DDX39A: variants seen among roughly 807,000 people sequenced by gnomAD.
DDX39A encodes the protein ATP-dependent RNA helicase DDX39A.
A neutral mutation model predicts 46.3 loss-of-function variants in DDX39A; 13 were observed. The observed-to-expected ratio is 0.28, with a 90% CI of 0.18 to 0.45. The LOEUF is 0.45. DDX39A is among the 20% of genes least tolerant of loss of function. The pLI, the probability that DDX39A is intolerant of heterozygous loss-of-function variation, is 1.00. For missense variants in DDX39A, 352 were observed against 581.8 expected (o/e 0.61, Z 4.06); for synonymous variants, 234 against 224.6 (o/e 1.04, Z -0.38).
chr19:14,413,892 G>A (rs1447180851), intron 1 of DDX39A: 1 of 152,314 alleles, frequency 6.6e-6, no homozygotes, highest in Non-Finnish European at 1.5e-5. Flanking sequence ...ATAATTAAGT[G>A]CTCTCATGAA....
Position 14,409,499 on chromosome 19 carries a change from G to A in DDX39A, c.974+37C>T, listed in dbSNP as rs1429634036. On this transcript the variant is annotated intron_variant, in intron 8 of 10. Coordinates refer to ENST00000242776, the MANE Select transcript of DDX39A (RefSeq NM_005804.4). The surrounding 1 kb of genome is among the most constrained non-coding windows in gnomAD (Gnocchi z 8.3). The stretch of plus-strand genomic sequence containing the variant: ...GCCGTCAGACACTGGGCTCCTGGTG[G>A]TGCTCCCTGCAGCCTTGGCGGGCGG... The A allele has an allele frequency of 1.9e-6, 3 of 1,611,204 alleles. No homozygotes were observed. Among genetic ancestry groups the A allele is most frequent in the Non-Finnish European group, 2.5e-6 (3 of 1,179,262 alleles).
At position 14,411,277 on chromosome 19, in the gene DDX39A, G is replaced by T; in HGVS notation, c.430-105C>A. 7.5e-7 allele frequency: 1 copy of T among 1,333,568 alleles called. No homozygotes were observed. The highest frequency in any genetic ancestry group is 1.0e-6 in the Non-Finnish European group (1 of 979,222). The allele number at this position is 1,333,568 out of a possible 1,614,324, so 82.6% of individuals were successfully genotyped here. ...AGGAGGCCTCAGGGGACCAAGGCAG[G>T]CCTGAGAGCCTCCCGGGGCTCCACT... On this transcript the variant is annotated intron_variant, in intron 4 of 10. Transcript: ENST00000242776. The surrounding 1 kb of genome is among the most constrained non-coding windows in gnomAD (Gnocchi z 4.1).
At position 14,410,463 on chromosome 19, in the gene DDX39A, G is replaced by A; in HGVS notation, c.614-129C>T. The A allele has an allele frequency of 1.2e-6, 1 of 802,502 alleles. No homozygotes were observed. Among genetic ancestry groups the A allele is most frequent in the Admixed American group, 2.0e-5 (1 of 50,124 alleles). 49.7% of individuals were successfully genotyped at this position (802,502 alleles called of 1,614,324 possible). On this transcript the variant is annotated intron_variant, in intron 5 of 10. Coordinates refer to ENST00000242776, the MANE Select transcript of DDX39A (RefSeq NM_005804.4). The surrounding 1 kb of genome is among the most constrained non-coding windows in gnomAD (Gnocchi z 4.3). ...TGGCACCGTGACGAGGGCAGAGTGA[G>A]CCGCGGGAGTGGCCAGTCCTGGTGC...
Position 14,412,206 on chromosome 19 carries a change from C to CT in DDX39A, c.336+344dup, listed in dbSNP as rs1260233784. On this transcript the variant is annotated intron_variant, in intron 3 of 10. Transcript: ENST00000242776. The surrounding 1 kb of genome is among the most constrained non-coding windows in gnomAD (Gnocchi z 4.4). ...ACAGCTATATTCGGGGCAACCCAAC[C>CT]TTCACAGATGGACACTCTCTAGGTA... Among the ~76,000 whole-genome samples the CT allele has an allele frequency of 2.0e-5, 3 of 152,262 alleles. No homozygotes were observed. Among genetic ancestry groups the CT allele is most frequent in the Non-Finnish European group, 4.4e-5 (3 of 68,046 alleles).
chr19:14,414,325 TTTATTATTATTATTATTATTATTA>T (rs376558858), intron 1 of DDX39A, among the ~76,000 whole-genome samples: 1 of 133,518 alleles, frequency 7.5e-6, no homozygotes, highest in Non-Finnish European at 1.6e-5. Flanking sequence ...TATCACCTGT[TTTATTATTATTATTATTATTATTA>T]TTATTATTAT....
chr19:14,413,252 C>T (rs781140368), intron 1 of DDX39A, 28 bp from the exon 2 acceptor site: 19 of 1,592,460 alleles, frequency 1.2e-5, no homozygotes, highest in South Asian at 1.1e-4. Context: ...CAGGGTCCCG[C>T]GAGTGGGCAC....
In DDX39A at chr19:14,411,127, C is replaced by G. The variant is rs772464213; in HGVS notation, c.475G>C (p.Val159Leu). 1.1e-5 allele frequency: 17 copies of G among 1,603,466 alleles called. No homozygotes were observed. In the South Asian group the frequency reaches 1.7e-4, roughly 16 times the overall value. The change falls in exon 5 of 11, where the codon GTG becomes CTG. Residue 159 changes from valine to leucine, a missense_variant. Transcript: ENST00000242776. The surrounding 1 kb of genome is among the most constrained non-coding windows in gnomAD (Gnocchi z 4.1). ...ACATGGGGACAGTTCTTCTTCAACA[C>G]TTCTTCATCCTTCTTGATGGAGAGA... ...GGLSIKKDEEVLKKNCPHVVV... is the reference protein window; with the variant it reads ...GGLSIKKDEELLKKNCPHVVV...
rs141207973 is a variant in DDX39A, at chr19:14,409,567, C to T, written c.943G>A (p.Ala315Thr). The change falls in exon 8 of 11, where the codon GCC (alanine) becomes ACC (threonine). Residue 315 changes from alanine (A) to threonine (T), a missense_variant. Transcript: ENST00000242776. This position sits in a 1 kb window ranked among gnomAD's most constrained non-coding sequence, Gnocchi z 8.3. ...LLVEQNFPAIAIHRGMAQEER... is the reference protein window; with the variant it reads ...LLVEQNFPAITIHRGMAQEER... Reference sequence around the variant, plus strand: ...TCCTGGGCCATGCCCCGGTGGATGGCGATGGCCGGGAAGTTCTGCTCCACG... The same window carrying T: ...TCCTGGGCCATGCCCCGGTGGATGGTGATGGCCGGGAAGTTCTGCTCCACG... The T allele has an allele frequency of 4.2e-5, 67 of 1,610,216 alleles. No individual in the cohort carries two copies. In the African/African-American group the frequency reaches 7.5e-4, roughly 18 times the overall value.
In DDX39A at chr19:14,409,888, AG is replaced by A. The variant is rs1440367370; in HGVS notation, c.733-16del. The A allele has an allele frequency of 6.2e-7, 1 of 1,609,486 alleles. No homozygotes were observed. Among genetic ancestry groups the A allele is most frequent in the African/African-American group, 1.3e-5 (1 of 74,846 alleles). On this transcript the variant is annotated splice_polypyrimidine_tract_variant and intron_variant, in intron 6 of 10. Coordinates refer to ENST00000242776, the MANE Select transcript of DDX39A (RefSeq NM_005804.4). The surrounding 1 kb of genome is among the most constrained non-coding windows in gnomAD (Gnocchi z 8.3). ...ACCTCCATGGGCTGTGTGGGAAGGG[AG>A]GTGGGAGGGGCGGGCAGGGATCACC...
Position 14,411,448 on chromosome 19 carries a change from G to T in DDX39A, c.429+58C>A. On this transcript the variant is annotated intron_variant, in intron 4 of 10. Coordinates refer to ENST00000242776, the MANE Select transcript of DDX39A (RefSeq NM_005804.4). The surrounding 1 kb of genome is among the most constrained non-coding windows in gnomAD (Gnocchi z 4.1). ...AAATGCTGGCTGGGCCAGAGCCGAG[G>T]CTAACAAAGCTGCAGAAACCAAGTG... is the stretch of plus-strand genomic sequence containing the variant. 2.0e-6 allele frequency: 3 copies of T among 1,512,468 alleles called. No individual in the cohort carries two copies. The highest frequency in any genetic ancestry group is 2.8e-6 in the Non-Finnish European group (3 of 1,088,984). The allele number at this position is 1,512,468 out of a possible 1,614,324, so 93.7% of individuals were successfully genotyped here. A position where few individuals can be genotyped will look rare whatever the true frequency, so the allele number is the denominator to read the frequency against.
At position 14,409,698 on chromosome 19, in the gene DDX39A, T is replaced by C. The variant is rs751601500; in HGVS notation, c.864+44A>G. The C allele has an allele frequency of 8.4e-5, 136 of 1,611,666 alleles. No homozygotes were observed. Among genetic ancestry groups the C allele is most frequent in the Non-Finnish European group, 1.1e-4 (130 of 1,178,250 alleles). ...ACACAGTCCCTGTGGCCCAGTGACC[T>C]CCCGAAGGTCCTGAGCCCCAGGACA... is the stretch of plus-strand genomic sequence containing the variant. On this transcript the variant is annotated intron_variant, in intron 7 of 10. Coordinates refer to ENST00000242776, the MANE Select transcript of DDX39A (RefSeq NM_005804.4). This position sits in a 1 kb window ranked among gnomAD's most constrained non-coding sequence, Gnocchi z 8.3.
At chr19:14,416,973 C>G (rs978199701) in intron 1 of DDX39A, among the ~76,000 whole-genome samples, 4 of 152,222 alleles carry the variant, frequency 2.6e-5, no homozygotes, top group African/African-American at 9.6e-5. Flanking sequence ...ATGAGCCACC[C>G]ACCACGCCCA....
chr19:14,410,452 G>T lies in DDX39A; in HGVS notation c.614-118C>A. The T allele has an allele frequency of 1.1e-6, 1 of 899,044 alleles. No homozygotes were observed. Among genetic ancestry groups the T allele is most frequent in the Non-Finnish European group, 1.8e-6 (1 of 560,330 alleles). The allele number at this position is 899,044 out of a possible 1,614,324, so 55.7% of individuals were successfully genotyped here. On this transcript the variant is annotated intron_variant, in intron 5 of 10. Coordinates refer to ENST00000242776, the MANE Select transcript of DDX39A (RefSeq NM_005804.4). The surrounding 1 kb of genome is among the most constrained non-coding windows in gnomAD (Gnocchi z 4.3). Reference sequence around the variant, plus strand: ...CAGGGAGCCAGTGGCACCGTGACGAGGGCAGAGTGAGCCGCGGGAGTGGCC... The same window carrying T: ...CAGGGAGCCAGTGGCACCGTGACGATGGCAGAGTGAGCCGCGGGAGTGGCC...
chr19:14,418,992 T>TC, intron 1 of DDX39A: 1 of 455,554 alleles, frequency 2.2e-6, no homozygotes, highest in Non-Finnish European at 4.4e-6. Context: ...ACTGACAGAC[T>TC]CCAAGTGGGG....
In DDX39A at chr19:14,411,247, C is replaced by T. The variant is rs146060032; in HGVS notation, c.430-75G>A. On this transcript the variant is annotated intron_variant, in intron 4 of 10. Coordinates refer to ENST00000242776, the MANE Select transcript of DDX39A (RefSeq NM_005804.4). The surrounding 1 kb of genome is among the most constrained non-coding windows in gnomAD (Gnocchi z 4.1). ...CCCAACCTGCACGGCCCAGCACCTG[C>T]GAACAGGAGGCCTCAGGGGACCAAG... 2.9e-3 allele frequency: 4,232 copies of T among 1,482,246 alleles called. 10 individuals are homozygous for T. The highest frequency in any genetic ancestry group is 3.4e-3 in the Non-Finnish European group (3,817 of 1,108,026). 91.8% of individuals were successfully genotyped at this position (1,482,246 alleles called of 1,614,324 possible). A position where few individuals can be genotyped will look rare whatever the true frequency, so the allele number is the denominator to read the frequency against.
chr19:14,412,518 A>T lies in DDX39A; in HGVS notation c.336+33T>A. ...CTACTCTACTTCCGCCGCCACAGGC[A>T]GGGTGGGGCCAGGAAGGGAGGAGCC... On this transcript the variant is annotated intron_variant, in intron 3 of 10. Coordinates refer to ENST00000242776, the MANE Select transcript of DDX39A (RefSeq NM_005804.4). This position sits in a 1 kb window ranked among gnomAD's most constrained non-coding sequence, Gnocchi z 4.4. 2.5e-6 allele frequency: 4 copies of T among 1,595,464 alleles called. No homozygotes were observed. The highest frequency in any genetic ancestry group is 3.4e-6 in the Non-Finnish European group (4 of 1,174,998).
Position 14,409,113 on chromosome 19 carries a change from T to G in DDX39A, c.1191A>C (p.Lys397Asn), listed in dbSNP as rs142952517. The G allele has an allele frequency of 6.2e-7, 1 of 1,614,192 alleles. No homozygotes were observed. The highest frequency in any genetic ancestry group is 8.5e-7 in the Non-Finnish European group (1 of 1,180,038). ...ITFVSDENDA[K>N]ILNDVQDRFE... ...ACCGGTCCTGGACGTCATTGAGGATTTTGGCATCATTCTCGTCAGACACAA... is the reference window on the plus strand; with the variant it reads ...ACCGGTCCTGGACGTCATTGAGGATGTTGGCATCATTCTCGTCAGACACAA... Residue 397 changes from lysine to asparagine, a missense_variant, in exon 10 of 11, where the codon AAA becomes AAC. Transcript: ENST00000242776. This position sits in a 1 kb window ranked among gnomAD's most constrained non-coding sequence, Gnocchi z 8.3.
At chr19:14,414,634 C>T (rs1054822111) in intron 1 of DDX39A, among the ~76,000 whole-genome samples, 2 of 147,140 alleles carry the variant, frequency 1.4e-5, no homozygotes, top group African/African-American at 2.5e-5. Flanking sequence ...CAGGTGTGAG[C>T]CACCGCGCCT....
intron 1 of DDX39A, chr19:14,416,536 C>G (rs1441277454): frequency 6.6e-6 from 1 of 152,316 alleles, no homozygotes; most frequent in Non-Finnish European, 1.5e-5. Flanking sequence ...GGGTCACTTC[C>G]CAGGCAGCAG....
Sources: allele counts gnomAD v4.1 joint callset (sites outside exome capture counted in the v4.1 genomes callset), GRCh38; gene constraint gnomAD v4.1.1; non-coding constraint Gnocchi (gnomAD v3.1); transcripts MANE v1.5; gene names NCBI Gene and HGNC (gene_info 2026-07-23, HGNC 2026-07-21).